Variants in DNAJC24 observed in about 807,000 individuals in gnomAD.
The protein encoded by DNAJC24 is dnaJ homolog subfamily C member 24.
In DNAJC24, 17 loss-of-function variants were observed where a neutral mutation model predicts 18.0. The ratio of observed to expected loss-of-function variants is 0.94; its 90% CI spans 0.65 to 1.42. DNAJC24 has a LOEUF of 1.42. DNAJC24 is among the 40% of genes most tolerant of loss of function. The pLI, the probability that DNAJC24 is intolerant of heterozygous loss-of-function variation, is 0.00. For missense variants in DNAJC24, 158 were observed against 175.6 expected (o/e 0.90, Z 0.57); for synonymous variants, 55 against 57.7 (o/e 0.95, Z 0.21).
intron 1 of DNAJC24, 128 bp downstream of exon 1, chr11:31,370,040 A>G (rs759897498): frequency 6.6e-5 from 10 of 152,392 alleles, no homozygotes; most frequent in Non-Finnish European, 1.5e-5. Flanking sequence ...CGTTAAGTGT[A>G]TATAGCTGTG....
chr11:31,399,470 A>G (rs567884977), intron 2 of DNAJC24, among the ~76,000 whole-genome samples: 213 of 146,866 alleles, frequency 1.5e-3, no homozygotes, highest in African/African-American at 4.9e-3. Context: ...GCTGGAGTAC[A>G]GTGGCACGAT....
At chr11:31,428,881 A>G (rs1010311292) in intron 4 of DNAJC24, among the ~76,000 whole-genome samples, 3 of 152,176 alleles carry the variant, frequency 2.0e-5, no homozygotes, top group African/African-American at 7.2e-5. Flanking sequence ...GGAGTCATCT[A>G]TGACAAAACT....
chr11:31,401,072 A>G lies in DNAJC24; in HGVS notation c.112-13739A>G, dbSNP rs185282992. On this transcript the variant is annotated intron_variant, in intron 2 of 4. Coordinates refer to ENST00000465995, the MANE Select transcript of DNAJC24 (RefSeq NM_181706.5). Reference sequence around the variant, plus strand: ...CCCCATCAAAAAGTGGGCAAAGAATATGAACAGATACTTTTCAAAAGAAGA... The same window carrying G: ...CCCCATCAAAAAGTGGGCAAAGAATGTGAACAGATACTTTTCAAAAGAAGA... Among the ~76,000 whole-genome samples, 5 of 152,370 alleles carry G rather than the reference A, an allele frequency of 3.3e-5. No homozygotes were observed. The East Asian group carries it at 7.7e-4, about 23-fold the overall frequency.
chr11:31,379,148 G>A (rs1031951091), intron 2 of DNAJC24, among the ~76,000 whole-genome samples: 7 of 151,908 alleles, frequency 4.6e-5, no homozygotes, highest in South Asian at 4.2e-4. Context: ...CCCAGTCCCC[G>A]CGCTGCAAAC....
rs143670352 is a variant in DNAJC24, at chr11:31,381,252, G to T, written c.111+10393G>T. Among the ~76,000 whole-genome samples, 5 of 152,138 alleles carry T rather than the reference G, an allele frequency of 3.3e-5. No individual in the cohort carries two copies. In the East Asian group the frequency reaches 9.7e-4, roughly 29 times the overall value. On this transcript the variant is annotated intron_variant, in intron 2 of 4. Coordinates refer to ENST00000465995, the MANE Select transcript of DNAJC24 (RefSeq NM_181706.5). ...GGTTAAGGTTATTTGTGTTTTGACT[G>T]ATTTTTCCCTTATTTTCAAATTCAC...
intron 2 of DNAJC24, among the ~76,000 whole-genome samples, chr11:31,404,236 T>C (rs1359634022): frequency 2.0e-5 from 3 of 152,214 alleles, no homozygotes; most frequent in African/African-American, 7.2e-5. Flanking sequence ...TAGAATGCCT[T>C]AACCATCTGG....
At chr11:31,427,625 A>C (rs1429115622) in intron 4 of DNAJC24, 1 of 152,120 alleles carries the variant, frequency 6.6e-6, no homozygotes, top group Non-Finnish European at 1.5e-5. Flanking sequence ...GAGACTAAAT[A>C]TGTTTTGAAA....
intron 2 of DNAJC24, among the ~76,000 whole-genome samples, chr11:31,390,539 C>G (rs1161298542): frequency 2.0e-5 from 3 of 151,296 alleles, no homozygotes; most frequent in Admixed American, 6.6e-5. Flanking sequence ...AACCTTGTCT[C>G]TACTAAAAAT....
chr11:31,379,753 A>G (rs1227746627), intron 2 of DNAJC24, among the ~76,000 whole-genome samples: 1 of 152,014 alleles, frequency 6.6e-6, no homozygotes, highest in East Asian at 1.9e-4. Context: ...AGTGAAAGAA[A>G]TAAATCTTTT....
Position 31,370,149 on chromosome 11 carries a change from G to C in DNAJC24, c.-34+237G>C, listed in dbSNP as rs1952200771. 2.0e-5 allele frequency among the ~76,000 whole-genome samples: 3 copies of C among 152,140 alleles called. No individual in the cohort carries two copies. The South Asian group carries it at 6.2e-4, about 32-fold the overall frequency. ...GCGTAGAGAGTTTCACTCTGTCTTT[G>C]CGAGGTCTCAGCGCCTCTCCAATAA... On this transcript the variant is annotated intron_variant, in intron 1 of 4. Transcript: ENST00000465995.
At chr11:31,414,421 A>G (rs1952735701) in intron 2 of DNAJC24, among the ~76,000 whole-genome samples, 1 of 152,186 alleles carries the variant, frequency 6.6e-6, no homozygotes, top group African/African-American at 2.4e-5. Flanking sequence ...AGGTAGGCAC[A>G]TTGTGTAAGG....
At chr11:31,376,865 T>C (rs1952320541) in intron 2 of DNAJC24, among the ~76,000 whole-genome samples, 1 of 152,198 alleles carries the variant, frequency 6.6e-6, no homozygotes, top group Non-Finnish European at 1.5e-5. Flanking sequence ...AGATTTTTTA[T>C]GGCTTATGAA....
chr11:31,370,280 C>CAATTTTCT (rs1952204710), intron 1 of DNAJC24, among the ~76,000 whole-genome samples: 1 of 152,060 alleles, frequency 6.6e-6, no homozygotes, highest in South Asian at 2.1e-4. Context: ...GAAGGAATGC[C>CAATTTTCT]CCCAAATTTA....
chr11:31,379,106 T>C (rs1296117494), intron 2 of DNAJC24, among the ~76,000 whole-genome samples: 1 of 152,154 alleles, frequency 6.6e-6, no homozygotes. Flanking sequence ...TTTTCTCTAT[T>C]ATATTTTCAT....
intron 4 of DNAJC24, chr11:31,427,748 CTG>C (rs1308174382): frequency 3.3e-5 from 5 of 151,704 alleles, no homozygotes; most frequent in Admixed American, 6.6e-5. Context: ...TTGTTTATGA[CTG>C]TGAAAATAGT....
At chr11:31,402,900 T>A (rs1041216236) in intron 2 of DNAJC24, among the ~76,000 whole-genome samples, 2 of 152,194 alleles carry the variant, frequency 1.3e-5, no homozygotes, top group African/African-American at 2.4e-5. Flanking sequence ...ATAACAGCTA[T>A]GATGTCACTA....
chr11:31,407,605 A>G (rs1952667575), intron 2 of DNAJC24: 1 of 146,114 alleles, frequency 6.8e-6, no homozygotes, highest in Admixed American at 7.1e-5. Flanking sequence ...GGATCGCTTG[A>G]GCCTGGGAGG....
chr11:31,382,973 C>A (rs186044049), intron 2 of DNAJC24, among the ~76,000 whole-genome samples: 2 of 152,064 alleles, frequency 1.3e-5, no homozygotes, highest in African/African-American at 4.8e-5. Context: ...TTACAGAACT[C>A]GGAAAATTTA....
chr11:31,406,951 C>G (rs1952663147), intron 2 of DNAJC24, among the ~76,000 whole-genome samples: 1 of 152,074 alleles, frequency 6.6e-6, no homozygotes. Context: ...GCAAGGAATT[C>G]AACAGGAGGA....
Sources: allele counts gnomAD v4.1 joint callset (sites outside exome capture counted in the v4.1 genomes callset), GRCh38; gene constraint gnomAD v4.1.1; transcripts MANE v1.5; gene names NCBI Gene and HGNC (gene_info 2026-07-23, HGNC 2026-07-21).